GPC5: variants seen among roughly 807,000 people sequenced by gnomAD.
GPC5 encodes glypican 5.
GPC5 carries 47 observed loss-of-function variants against 53.9 expected under a neutral mutation model. The observed-to-expected ratio is 0.87, with a 90% CI of 0.69 to 1.11. The LOEUF (loss-of-function observed/expected upper bound fraction) is 1.11, where lower values mean the gene tolerates loss of function less well. Ranked by LOEUF, GPC5 falls within the 50% of genes most tolerant of loss-of-function variation. The pLI, the probability that GPC5 is intolerant of heterozygous loss-of-function variation, is 0.00. For synonymous variants in GPC5, 286 were observed against 263.3 expected (o/e 1.09, Z -0.84); for missense variants, 748 against 713.1 (o/e 1.05, Z -0.56).
At chr13:92,757,781 G>T (rs1014566977) in intron 7 of GPC5, among the ~76,000 whole-genome samples, 4 of 152,184 alleles carry the variant, frequency 2.6e-5, no homozygotes, top group African/African-American at 7.2e-5. Flanking sequence ...ACCACAATGA[G>T]ATACCATCTC....
intron 1 of GPC5, among the ~76,000 whole-genome samples, chr13:91,432,588 G>C (rs563324610): frequency 6.6e-6 from 1 of 152,044 alleles, no homozygotes; most frequent in East Asian, 1.9e-4. Flanking sequence ...TGAATTTGTC[G>C]GTTGCCAAGT....
chr13:91,916,223 C>T (rs1294550761), intron 6 of GPC5, among the ~76,000 whole-genome samples: 1 of 151,894 alleles, frequency 6.6e-6, no homozygotes, highest in African/African-American at 2.4e-5. Context: ...TGTGCAACCA[C>T]TATGGAAAAA....
intron 7 of GPC5, among the ~76,000 whole-genome samples, chr13:92,612,451 A>T (rs529541300): frequency 1.3e-5 from 2 of 152,250 alleles, no homozygotes; most frequent in East Asian, 3.9e-4. Context: ...TGATATAAAT[A>T]AAGGAATAAG....
intron 5 of GPC5, among the ~76,000 whole-genome samples, chr13:91,835,157 A>G (rs2038709081): frequency 6.6e-6 from 1 of 152,220 alleles, no homozygotes; most frequent in South Asian, 2.1e-4. Flanking sequence ...ACTGGTCATT[A>G]GAGAAATGCA....
intron 7 of GPC5, among the ~76,000 whole-genome samples, chr13:92,663,078 A>G (rs1208871069): frequency 6.6e-6 from 1 of 152,212 alleles, no homozygotes; most frequent in Non-Finnish European, 1.5e-5. Context: ...AAATTTTAAT[A>G]TGCTATAACA....
intron 7 of GPC5, among the ~76,000 whole-genome samples, chr13:92,361,465 A>T (rs569515816): frequency 1.3e-5 from 2 of 151,802 alleles, no homozygotes; most frequent in Non-Finnish European, 2.9e-5. Context: ...CTAGATTTTG[A>T]CCAATAGCCA....
At chr13:92,256,637 T>A (rs1831463) in intron 7 of GPC5, among the ~76,000 whole-genome samples, 40,627 of 151,854 alleles carry the variant, frequency 0.27, 5,873 homozygotes, top group Non-Finnish European at 0.33. Flanking sequence ...GGTTTTCCAT[T>A]GACAAGGAAG....
intron 7 of GPC5, among the ~76,000 whole-genome samples, chr13:92,517,250 G>A (rs1367070851): frequency 6.6e-6 from 1 of 152,160 alleles, no homozygotes; most frequent in South Asian, 2.1e-4. Context: ...CCACCTCTGG[G>A]GACAGGGCAT....
chr13:92,098,366 T>G (rs1022441304), intron 6 of GPC5, among the ~76,000 whole-genome samples: 1 of 152,220 alleles, frequency 6.6e-6, no homozygotes, highest in African/African-American at 2.4e-5. Context: ...CTTTGCACCT[T>G]TGTAACCAGA....
At chr13:92,567,786 G>A (rs1434286461) in intron 7 of GPC5, among the ~76,000 whole-genome samples, 1 of 152,120 alleles carries the variant, frequency 6.6e-6, no homozygotes, top group Non-Finnish European at 1.5e-5. Context: ...TGAGACTTGT[G>A]TTGGCCTCGT....
intron 2 of GPC5, among the ~76,000 whole-genome samples, chr13:91,691,408 G>A (rs548269526): frequency 3.3e-5 from 5 of 152,086 alleles, no homozygotes; most frequent in Non-Finnish European, 7.4e-5. Flanking sequence ...GGGAAACCTG[G>A]CATTAATGCT....
Position 92,072,208 on chromosome 13 carries a change from TATAA to T in GPC5, c.1402-72618_1402-72615del, listed in dbSNP as rs2041217805. ...TATATATAAATAAATAAAATGTATATATAAATATATTTATTTTTTAAAGAATGTT... is the reference window on the plus strand; with the variant it reads ...TATATATAAATAAATAAAATGTATATATATATTTATTTTTTAAAGAATGTT... On this transcript the variant is annotated intron_variant, in intron 6 of 7. Coordinates refer to ENST00000377067, the MANE Select transcript of GPC5 (RefSeq NM_004466.6). Among the ~76,000 whole-genome samples the T allele has an allele frequency of 4.7e-5, 7 of 148,842 alleles. No homozygotes were observed. In the Admixed American group the frequency reaches 4.7e-4, roughly 10 times the overall value.
intron 6 of GPC5, among the ~76,000 whole-genome samples, chr13:91,963,556 T>C (rs531207372): frequency 3.3e-5 from 5 of 151,772 alleles, no homozygotes; most frequent in South Asian, 4.2e-4. Context: ...TGGTCATATG[T>C]AGCAGAGACA....
At chr13:92,546,999 C>A (rs921547759) in intron 7 of GPC5, among the ~76,000 whole-genome samples, 6 of 152,206 alleles carry the variant, frequency 3.9e-5, no homozygotes, top group African/African-American at 1.4e-4. Flanking sequence ...CTTCCTTACA[C>A]CTTATACAAA....
chr13:92,787,743 GAC>G (rs1236415638), intron 7 of GPC5, among the ~76,000 whole-genome samples: 1 of 150,632 alleles, frequency 6.6e-6, no homozygotes, highest in East Asian at 2.0e-4. Flanking sequence ...TGGGCATGGT[GAC>G]ACATACTTAT....
chr13:92,672,603 T>G (rs1230910216), intron 7 of GPC5, among the ~76,000 whole-genome samples: 2 of 152,090 alleles, frequency 1.3e-5, no homozygotes, highest in Non-Finnish European at 2.9e-5. Context: ...TGCAGCACTA[T>G]TCACAATAGC....
chr13:91,714,581 A>G (rs752640829), intron 3 of GPC5, among the ~76,000 whole-genome samples: 2 of 152,224 alleles, frequency 1.3e-5, no homozygotes, highest in Non-Finnish European at 2.9e-5. Context: ...ATGTGTGTAA[A>G]TGTGCTTATG....
At chr13:91,615,077 T>A (rs182192341) in intron 2 of GPC5, among the ~76,000 whole-genome samples, 1 of 151,458 alleles carries the variant, frequency 6.6e-6, no homozygotes, top group African/African-American at 2.4e-5. Context: ...CCAACATGAT[T>A]TACAAAGAGG....
chr13:91,853,271 G>T (rs1024917271), intron 5 of GPC5, among the ~76,000 whole-genome samples: 5 of 151,856 alleles, frequency 3.3e-5, no homozygotes, highest in African/African-American at 1.2e-4. Context: ...TCATCTGGGG[G>T]TATAATGCTT....
Sources: allele counts gnomAD v4.1 joint callset (sites outside exome capture counted in the v4.1 genomes callset), GRCh38; gene constraint gnomAD v4.1.1; transcripts MANE v1.5; gene names NCBI Gene and HGNC (gene_info 2026-07-23, HGNC 2026-07-21).